PCDH7: variants seen among roughly 807,000 people sequenced by gnomAD.
The protein encoded by PCDH7 is protocadherin 7.
Under a neutral mutation model 58.9 loss-of-function variants are expected in PCDH7, and 17 were observed. The ratio of observed to expected loss-of-function variants is 0.29; its 90% CI spans 0.20 to 0.43. PCDH7 has a LOEUF of 0.43. Ranked by LOEUF, PCDH7 falls within the 20% of genes least tolerant of loss-of-function variation. The probability of loss-of-function intolerance (pLI) is 1.00; values close to 1 mark genes in which losing one functional copy is unlikely to be tolerated. For missense variants in PCDH7, 1,274 were observed against 1,441.0 expected, an observed-to-expected ratio of 0.88 and a Z score of 1.88; for synonymous variants, 664 against 616.4, an observed-to-expected ratio of 1.08 and a Z score of -1.14.
intron 3 of PCDH7, among the ~76,000 whole-genome samples, chr4:31,079,275 C>A (rs1759267662): frequency 9.9e-6 from 1 of 101,062 alleles, no homozygotes; most frequent in African/African-American, 3.8e-5. Flanking sequence ...AAAAAAAATG[C>A]CACAGTGTGT....
intron 3 of PCDH7, among the ~76,000 whole-genome samples, chr4:31,023,891 A>T (rs766409492): frequency 3.3e-5 from 5 of 152,186 alleles, no homozygotes; most frequent in Non-Finnish European, 5.9e-5. Context: ...GAGACATGTA[A>T]AAGAGAAAGC....
chr4:30,738,918 G>A (rs1349152556), intron 1 of PCDH7, among the ~76,000 whole-genome samples: 1 of 151,816 alleles, frequency 6.6e-6, no homozygotes, highest in Non-Finnish European at 1.5e-5. Flanking sequence ...GAAACTGCCA[G>A]GCATGTAACC....
intron 2 of PCDH7, among the ~76,000 whole-genome samples, chr4:30,929,258 C>T (rs1470681031): frequency 6.6e-6 from 1 of 152,098 alleles, no homozygotes; most frequent in Non-Finnish European, 1.5e-5. Flanking sequence ...GTGGCAGTTG[C>T]AAATTGTTTT....
At chr4:30,724,133 G>C in exon 1 of PCDH7, 1 of 1,613,972 alleles carries the variant, frequency 6.2e-7, no homozygotes, top group South Asian at 1.1e-5. Flanking sequence ...GCAAGGTACT[G>C]CAGGTCCAAA....
intron 1 of PCDH7, among the ~76,000 whole-genome samples, chr4:30,912,863 A>G (rs914385876): frequency 6.6e-6 from 1 of 152,180 alleles, no homozygotes; most frequent in Non-Finnish European, 1.5e-5. Context: ...ACTATTGTGT[A>G]CAGGTTGTAA....
At chr4:30,763,107 C>T (rs1173901093) in intron 1 of PCDH7, among the ~76,000 whole-genome samples, 1 of 152,092 alleles carries the variant, frequency 6.6e-6, no homozygotes, top group East Asian at 1.9e-4. Flanking sequence ...CCTGTAATCC[C>T]AGCTACTCAG....
intron 2 of PCDH7, among the ~76,000 whole-genome samples, chr4:30,940,561 A>G (rs1180228837): frequency 1.3e-5 from 2 of 152,068 alleles, no homozygotes; most frequent in African/African-American, 4.8e-5. Flanking sequence ...CTTCTTATAC[A>G]GTATTCTTAA....
intron 2 of PCDH7, among the ~76,000 whole-genome samples, chr4:30,946,561 GC>G (rs1170070035): frequency 1.3e-5 from 2 of 150,404 alleles, no homozygotes; most frequent in East Asian, 3.9e-4. Context: ...CTCTTTTTTT[GC>G]TGCCATTCTT....
chr4:30,762,912 G>A (rs896343608), intron 1 of PCDH7, among the ~76,000 whole-genome samples: 1 of 152,124 alleles, frequency 6.6e-6, no homozygotes, highest in Non-Finnish European at 1.5e-5. Context: ...AATGAGATGG[G>A]CAGAGGTAAA....
rs79612612 is a variant in PCDH7, at chr4:31,061,546, G to GA, written c.*8-80918dup. On this transcript the variant is annotated intron_variant, in intron 3 of 3. Coordinates refer to the PCDH7 transcript ENST00000509759. ...ATTATAAAACTTTTCTGGACTTGGAGAAAAAAAAAGAGTCTCCATGCACTT... is the reference window on the plus strand; with the variant it reads ...ATTATAAAACTTTTCTGGACTTGGAGAAAAAAAAAAGAGTCTCCATGCACTT... Among the ~76,000 whole-genome samples, 19 of 150,102 alleles carry GA rather than the reference G, an allele frequency of 1.3e-4. No individual in the cohort carries two copies. In the East Asian group the frequency reaches 1.6e-3, roughly 12 times the overall value.
Position 30,978,278 on chromosome 4 carries a change from A to C in PCDH7, c.*7+28063A>C, listed in dbSNP as rs551961773. 5.9e-5 allele frequency among the ~76,000 whole-genome samples: 9 copies of C among 152,294 alleles called. No individual in the cohort carries two copies. The South Asian group carries it at 1.9e-3, about 32-fold the overall frequency. ...TGCTGGGCGTGACCTTGGAGAACAA[A>C]TCTTCCCTTTCTGATCCTTAATTTC... On this transcript the variant is annotated intron_variant, in intron 3 of 3. Transcript: ENST00000509759.
intron 1 of PCDH7, among the ~76,000 whole-genome samples, chr4:30,730,345 C>T (rs1359024340): frequency 2.6e-5 from 4 of 151,888 alleles, no homozygotes; most frequent in African/African-American, 7.3e-5. Flanking sequence ...GACTCTTTTG[C>T]GGTACATTAC....
chr4:30,726,318 T>G (rs1473379506), intron 1 of PCDH7, among the ~76,000 whole-genome samples: 1 of 152,058 alleles, frequency 6.6e-6, no homozygotes, highest in Non-Finnish European at 1.5e-5. Flanking sequence ...ACACCTCGGT[T>G]CTTATCCTAA....
intron 1 of PCDH7, among the ~76,000 whole-genome samples, chr4:30,777,755 T>A (rs1722262375): frequency 6.6e-6 from 1 of 152,198 alleles, no homozygotes; most frequent in Non-Finnish European, 1.5e-5. Flanking sequence ...TTATTAATTC[T>A]ATGTTCACTT....
At chr4:31,125,470 TC>T (rs2109329389) in intron 3 of PCDH7, among the ~76,000 whole-genome samples, 1 of 152,366 alleles carries the variant, frequency 6.6e-6, no homozygotes, top group African/African-American at 2.4e-5. Flanking sequence ...AAGATTTTTT[TC>T]TTTCTGAGTT....
chr4:31,057,491 G>A (rs1757351523), intron 3 of PCDH7, among the ~76,000 whole-genome samples: 1 of 152,088 alleles, frequency 6.6e-6, no homozygotes, highest in African/African-American at 2.4e-5. Flanking sequence ...CGTGAGAACT[G>A]GGCTGTATGT....
chr4:30,902,586 G>A (rs1438795335), intron 1 of PCDH7, among the ~76,000 whole-genome samples: 1 of 151,886 alleles, frequency 6.6e-6, no homozygotes, highest in Non-Finnish European at 1.5e-5. Flanking sequence ...ACAGATTATG[G>A]GTCCCAAAGT....
intron 1 of PCDH7, among the ~76,000 whole-genome samples, chr4:30,868,577 C>A (rs1243265900): frequency 6.6e-6 from 1 of 151,296 alleles, no homozygotes; most frequent in Non-Finnish European, 1.5e-5. Context: ...TTTTTTTCTA[C>A]TTTGTATGAT....
intron 1 of PCDH7, among the ~76,000 whole-genome samples, chr4:30,810,037 T>C (rs1726775086): frequency 6.6e-6 from 1 of 152,212 alleles, no homozygotes; most frequent in Non-Finnish European, 1.5e-5. Context: ...TTTTTATACT[T>C]CACTTTTGTA....
Sources: allele counts gnomAD v4.1 joint callset (sites outside exome capture counted in the v4.1 genomes callset), GRCh38; gene constraint gnomAD v4.1.1; transcripts MANE v1.5; gene names NCBI Gene and HGNC (gene_info 2026-07-23, HGNC 2026-07-21).